Variants in COG6 observed in about 807,000 individuals in gnomAD.
The protein encoded by COG6 is component of oligomeric golgi complex 6.
In COG6, 74 loss-of-function variants were observed where a neutral mutation model predicts 88.8. The ratio of observed to expected loss-of-function variants is 0.83; its 90% CI spans 0.69 to 1.01. The LOEUF is 1.01. Among genes scored for constraint, COG6 ranks in the 50% least tolerant of loss-of-function variants. The pLI is 0.00. For missense variants in COG6, 800 were observed against 797.9 expected, an observed-to-expected ratio of 1.00 and a Z score of -0.03; for synonymous variants, 286 against 278.7, an observed-to-expected ratio of 1.03 and a Z score of -0.26.
intron 8 of COG6, among the ~76,000 whole-genome samples, chr13:39,683,597 G>C (rs752883180): frequency 4.6e-5 from 7 of 152,134 alleles, no homozygotes; most frequent in Non-Finnish European, 1.0e-4. Context: ...GTTTATTCCT[G>C]CTTTAAAATT....
chr13:39,706,255 T>TTATATATA (rs71298976), intron 13 of COG6, among the ~76,000 whole-genome samples: 14,542 of 114,372 alleles, frequency 0.13, 1,522 homozygotes, highest in East Asian at 0.23. Flanking sequence ...ATATACTCCT[T>TTATATATA]TATATATATA....
chr13:39,782,476 G>GC, intron 18 of COG6, among the ~76,000 whole-genome samples: 1 of 152,230 alleles, frequency 6.6e-6, no homozygotes. Flanking sequence ...CCTGTGGGAG[G>GC]CCCCCCTCTT....
rs1879187514 is a variant in COG6 at position 39,727,381 on chromosome 13, A to G, written c.1747-88A>G. The G allele has an allele frequency of 3.0e-6, 3 of 989,192 alleles. No homozygotes were observed. In the Admixed American group the frequency reaches 5.1e-5, roughly 17 times the overall value. The allele number at this position is 989,192 out of a possible 1,614,324, so 61.3% of individuals were successfully genotyped here. A position where few individuals can be genotyped will look rare whatever the true frequency, so the allele number is the denominator to read the frequency against. Reference sequence around the variant, plus strand: ...TTAGAGTATGGAATTTTTCTCAAGGATTTAATTCTTAAAAGAGATGTTTAT... The same window carrying G: ...TTAGAGTATGGAATTTTTCTCAAGGGTTTAATTCTTAAAAGAGATGTTTAT... On this transcript the variant is annotated intron_variant, in intron 17 of 18. Transcript: ENST00000455146.
intron 13 of COG6, among the ~76,000 whole-genome samples, chr13:39,705,404 G>C (rs2138045977): frequency 6.6e-6 from 1 of 152,170 alleles, no homozygotes; most frequent in African/African-American, 2.4e-5. Context: ...ATTCAAGTAG[G>C]CATACTCCCT....
intron 18 of COG6, among the ~76,000 whole-genome samples, chr13:39,760,282 T>C (rs1175433092): frequency 1.3e-5 from 2 of 152,202 alleles, no homozygotes; most frequent in East Asian, 3.9e-4. Flanking sequence ...AAAATGATAA[T>C]GAAGATTGAA....
intron 4 of COG6, among the ~76,000 whole-genome samples, chr13:39,677,125 T>C (rs929809662): frequency 1.3e-5 from 2 of 152,176 alleles, no homozygotes; most frequent in African/African-American, 4.8e-5. Context: ...TATTTCTCTC[T>C]TATAAAAGCA....
At chr13:39,694,561 A>T (rs1264419681) in intron 11 of COG6, 73 bp from the exon 12 acceptor site, 22 of 899,546 alleles carry the variant, frequency 2.4e-5, no homozygotes, top group Non-Finnish European at 3.3e-5. Context: ...TATGCTATTC[A>T]TACCATATGT....
At chr13:39,775,647 T>C (rs937936604) in intron 18 of COG6, among the ~76,000 whole-genome samples, 1 of 152,172 alleles carries the variant, frequency 6.6e-6, no homozygotes, top group Non-Finnish European at 1.5e-5. Flanking sequence ...GCCCTAATAA[T>C]GTAGTTCTTT....
At chr13:39,715,271 C>A (rs202230580) in intron 13 of COG6, among the ~76,000 whole-genome samples, 1 of 49,602 alleles carries the variant, frequency 2.0e-5, no homozygotes, top group African/African-American at 6.6e-5. Context: ...CTCTCTCTCT[C>A]TATACACACA....
chr13:39,743,958 T>C (rs532113837), intron 18 of COG6, among the ~76,000 whole-genome samples: 1 of 151,650 alleles, frequency 6.6e-6, no homozygotes, highest in East Asian at 1.9e-4. Context: ...CCTATGCAAA[T>C]CAATAAACAT....
In COG6 at chr13:39,727,458, G is replaced by C. The variant is rs368040180; in HGVS notation, c.1747-11G>C. 1.3e-6 allele frequency: 2 copies of C among 1,599,362 alleles called. No individual in the cohort carries two copies. Among genetic ancestry groups the C allele is most frequent in the Non-Finnish European group, 1.7e-6 (2 of 1,166,786 alleles). On this transcript the variant is annotated splice_polypyrimidine_tract_variant and intron_variant, in intron 17 of 18. Coordinates refer to ENST00000455146, the MANE Select transcript of COG6 (RefSeq NM_020751.3). ...TGTACTTTATATTTTGTATTTCTCT[G>C]TTTCATTTAGGTTCAGTTTGATCGT... is the stretch of plus-strand genomic sequence containing the variant.
chr13:39,754,532 A>C (rs1375993710), downstream of COG6, among the ~76,000 whole-genome samples: 4 of 152,178 alleles, frequency 2.6e-5, no homozygotes, highest in African/African-American at 9.6e-5. Flanking sequence ...GTACTCTTAA[A>C]TATTCTTTAA....
At chr13:39,694,519 T>C (rs1877151123) in intron 11 of COG6, 115 bp from the exon 12 acceptor site, 8 of 619,406 alleles carry the variant, frequency 1.3e-5, no homozygotes. Flanking sequence ...AGGCATTTTG[T>C]GATCTCTGCA....
At chr13:39,726,288 C>T (rs535164786) in intron 17 of COG6, among the ~76,000 whole-genome samples, 12 of 151,776 alleles carry the variant, frequency 7.9e-5, no homozygotes, top group Admixed American at 2.0e-4. Flanking sequence ...AGTTATTAAC[C>T]GAGTTTCTGC....
At chr13:39,766,906 A>G (rs564490921) in intron 18 of COG6, among the ~76,000 whole-genome samples, 22 of 152,362 alleles carry the variant, frequency 1.4e-4, no homozygotes, top group African/African-American at 4.8e-4. Context: ...AAATCTGTGC[A>G]TATAAGTGAA....
chr13:39,686,823 G>A (rs927499496), intron 8 of COG6, among the ~76,000 whole-genome samples: 1 of 152,020 alleles, frequency 6.6e-6, no homozygotes. Flanking sequence ...TGAACCTCAC[G>A]GGCTCAAGTG....
At chr13:39,692,584 A>G (rs950181616) in intron 11 of COG6, among the ~76,000 whole-genome samples, 9 of 152,022 alleles carry the variant, frequency 5.9e-5, no homozygotes, top group African/African-American at 4.8e-5. Flanking sequence ...TAGGTTTGTC[A>G]TCATCTTTTT....
Position 39,751,970 on chromosome 13 carries a change from T to C in COG6, c.*877T>C. On this transcript the variant is annotated 3_prime_UTR_variant, in exon 19 of 19. Coordinates refer to ENST00000455146, the MANE Select transcript of COG6 (RefSeq NM_020751.3). ...GGTGTTCAAACCAAAGAAACAATGA[T>C]CTACTCAAACATTGGAGAAAAAAAC... The C allele has an allele frequency of 8.2e-7, 1 of 1,220,082 alleles. No homozygotes were observed. 75.6% of individuals were successfully genotyped at this position (1,220,082 alleles called of 1,614,324 possible).
intron 13 of COG6, among the ~76,000 whole-genome samples, chr13:39,715,286 C>A (rs962489602): frequency 2.8e-4 from 43 of 151,790 alleles, no homozygotes; most frequent in African/African-American, 1.0e-3. Context: ...CACACACACA[C>A]ACACACAAAC....
Sources: gnomAD v4.1 joint callset for allele counts (sites outside exome capture counted in the v4.1 genomes callset) on GRCh38, gnomAD v4.1.1 for gene constraint, MANE v1.5 for transcripts, NCBI Gene and HGNC (gene_info 2026-07-23, HGNC 2026-07-21) for gene names.